Variants in FHDC1 observed in about 807,000 individuals in gnomAD.
FHDC1 encodes the protein FH2 domain-containing protein 1.
In FHDC1, 25 loss-of-function variants were observed where a neutral mutation model predicts 52.6. The ratio of observed to expected loss-of-function variants is 0.48; its 90% CI spans 0.35 to 0.66. The LOEUF is 0.66. Ranked by LOEUF, FHDC1 falls within the 30% of genes least tolerant of loss-of-function variation. The pLI, the probability that FHDC1 is intolerant of heterozygous loss-of-function variation, is 0.01. For missense variants in FHDC1, 1,459 were observed against 1,452.8 expected (o/e 1.00, Z -0.07); for synonymous variants, 616 against 581.5 (o/e 1.06, Z -0.85).
Position 152,976,994 on chromosome 4 carries a change from C to A in FHDC1, c.*271C>A. The A allele has an allele frequency of 3.3e-6, 1 of 306,278 alleles. No individual in the cohort carries two copies. Among genetic ancestry groups the A allele is most frequent in the African/African-American group, 2.2e-5 (1 of 44,624 alleles). 19.0% of individuals were successfully genotyped at this position (306,278 alleles called of 1,614,324 possible). A position where few individuals can be genotyped will look rare whatever the true frequency, so the allele number is the denominator to read the frequency against. ...ATGCACCCCACCCTCCCCCAAAGCC[C>A]GGATCCCGAGAAAGATTTAGTAGGA... On this transcript the variant is annotated 3_prime_UTR_variant, in exon 12 of 12. Transcript: ENST00000511601.
In FHDC1 at chr4:152,967,961, C is replaced by T. The variant is rs1467451502; in HGVS notation, c.1101-19C>T. ...GGCTTCCTTGTTCCAACTGCCCACT[C>T]TCCCCTTTCTTCTTTTAGATTATCT... On this transcript the variant is annotated intron_variant, in intron 9 of 11. Transcript: ENST00000511601. 3 of 1,592,758 alleles carry T rather than the reference C, an allele frequency of 1.9e-6. No homozygotes were observed. The highest frequency in any genetic ancestry group is 2.6e-6 in the Non-Finnish European group (3 of 1,163,640).
chr4:152,914,898 T>A, the FHDC1 span, among the ~76,000 whole-genome samples: 1 of 152,178 alleles, frequency 6.6e-6, no homozygotes, highest in Non-Finnish European at 1.5e-5. Flanking sequence ...AAACTTTTTT[T>A]TTTTTCAAAT....
At chr4:152,927,873 C>G in the FHDC1 span, 1 of 1,396,250 alleles carries the variant, frequency 7.2e-7, no homozygotes, top group Non-Finnish European at 1.0e-6. Context: ...CCCTTAGAAA[C>G]CAAGAACAAG....
intron 2 of FHDC1, among the ~76,000 whole-genome samples, chr4:152,946,634 T>C (rs1176579458): frequency 3.3e-5 from 5 of 152,142 alleles, no homozygotes; most frequent in Admixed American, 1.3e-4. Flanking sequence ...CAGAATTCCC[T>C]CCACAGCCTG....
At chr4:152,957,989 T>C (rs1740156350) in intron 4 of FHDC1, among the ~76,000 whole-genome samples, 1 of 152,132 alleles carries the variant, frequency 6.6e-6, no homozygotes, top group Admixed American at 6.6e-5. Context: ...AACTTTCTGT[T>C]CTCCTGAAGC....
chr4:152,928,132 C>T, the FHDC1 span: 1 of 920,494 alleles, frequency 1.1e-6, no homozygotes, highest in South Asian at 1.3e-5. Context: ...CCAGCGCAGA[C>T]AGTGAAGGCA....
chr4:152,972,499 G>C lies in FHDC1; in HGVS notation c.1341G>C (p.Gln447His). 1.2e-6 allele frequency: 2 copies of C among 1,612,132 alleles called. No homozygotes were observed. The highest frequency in any genetic ancestry group is 1.7e-5 in the Admixed American group (1 of 59,390). Residue 447 changes from glutamine (Q) to histidine (H), a missense_variant, in exon 11 of 12, where the codon CAG (glutamine) becomes CAC (histidine). By Grantham distance (24) the Gln-to-His change is conservative. Around this residue, in one of 3 missense-constraint regions of FHDC1, gnomAD observed 513 missense variants for 581.5 expected, o/e 0.88. Transcript: ENST00000511601. ...CCATGAAACTGGATGAATGCTTTCA[G>C]ATATTTAGAGATTTCTGTACCAAAT... ...KKTMKLDECF[Q>H]IFRDFCTKFN...
In FHDC1 at chr4:152,960,733, T is replaced by A. The variant is rs1386986220; in HGVS notation, c.750-11T>A. ...CATCAAATTCTACAGTTTTACTTTT[T>A]TATTTTTCAGCTATTCACTTCGGAT... On this transcript the variant is annotated splice_polypyrimidine_tract_variant and intron_variant, in intron 5 of 11. Transcript: ENST00000511601. 1 of 1,612,074 alleles carries A rather than the reference T, an allele frequency of 6.2e-7. No individual in the cohort carries two copies. Among genetic ancestry groups the A allele is most frequent in the Non-Finnish European group, 8.5e-7 (1 of 1,179,510 alleles).
In FHDC1 at chr4:152,954,330, C is replaced by T. The variant is rs539184890; in HGVS notation, c.663+11C>T. 5 of 1,603,002 alleles carry T rather than the reference C, an allele frequency of 3.1e-6. No homozygotes were observed. In the African/African-American group the frequency reaches 6.7e-5, roughly 21 times the overall value. ...CCAGAGTCAGAAGAGGTAAGAAATT[C>T]AGCGCATGAGTTGTAGATGTTAGGA... is the stretch of plus-strand genomic sequence containing the variant. On this transcript the variant is annotated intron_variant, in intron 4 of 11. Coordinates refer to ENST00000511601, the MANE Select transcript of FHDC1 (RefSeq NM_001371116.1).
intron 4 of FHDC1, among the ~76,000 whole-genome samples, chr4:152,956,901 G>A (rs943829079): frequency 1.5e-4 from 23 of 152,120 alleles, no homozygotes; most frequent in Non-Finnish European, 4.4e-5. Context: ...AGTCCCCAGA[G>A]CCGGCAGGAG....
chr4:152,936,762 G>A (rs935646827), intron 1 of FHDC1, among the ~76,000 whole-genome samples: 1 of 152,268 alleles, frequency 6.6e-6, no homozygotes, highest in African/African-American at 2.4e-5. Flanking sequence ...CTGGGCGGTT[G>A]ACTATTAGTC....
At chr4:152,925,760 A>G in the FHDC1 span, among the ~76,000 whole-genome samples, 49 of 149,516 alleles carry the variant, frequency 3.3e-4, no homozygotes, top group African/African-American at 1.2e-3. Context: ...TCTAATCCAT[A>G]CTCTTCCTTA....
intron 1 of FHDC1, among the ~76,000 whole-genome samples, chr4:152,936,969 C>T (rs1739401458): frequency 6.6e-6 from 1 of 152,226 alleles, no homozygotes; most frequent in Non-Finnish European, 1.5e-5. Context: ...CCAGGCGCTT[C>T]TCGCCCCGAC....
chr4:152,957,512 G>C (rs1740134527), intron 4 of FHDC1, among the ~76,000 whole-genome samples: 1 of 152,188 alleles, frequency 6.6e-6, no homozygotes, highest in African/African-American at 2.4e-5. Context: ...GCTGAGCCCA[G>C]TGTGGTTCTG....
At chr4:152,927,447 T>C in the FHDC1 span, 1,223 of 802,598 alleles carry the variant, frequency 1.5e-3, 8 homozygotes, top group African/African-American at 0.018. Flanking sequence ...TGTTTCGTTA[T>C]GGATGGAGGG....
chr4:152,925,615 T>G, the FHDC1 span, among the ~76,000 whole-genome samples: 1 of 152,134 alleles, frequency 6.6e-6, no homozygotes, highest in Non-Finnish European at 1.5e-5. Flanking sequence ...AGTTCTAAAC[T>G]GGATCTCCTC....
Position 152,975,492 on chromosome 4 carries a change from G to A in FHDC1, c.2201G>A (p.Ser734Asn). ...CCCATGGGCAGAGATGCCCTGGGGA[G>A]TCTCAGCCCAGCGCTGGAGGATGGC... ...LTPMGRDALG[S>N]LSPALEDGKA... The change falls in exon 12 of 12, where the codon AGT (serine) becomes AAT (asparagine). Residue 734 changes from serine (S) to asparagine (N), a missense_variant. Coordinates refer to ENST00000511601, the MANE Select transcript of FHDC1 (RefSeq NM_001371116.1). 1 of 1,613,420 alleles carries A rather than the reference G, an allele frequency of 6.2e-7. No homozygotes were observed. The highest frequency in any genetic ancestry group is 2.2e-5 in the East Asian group (1 of 44,880).
At chr4:152,927,222 G>A in the FHDC1 span, among the ~76,000 whole-genome samples, 1 of 152,206 alleles carries the variant, frequency 6.6e-6, no homozygotes, top group African/African-American at 2.4e-5. Flanking sequence ...TTCTCTAAAC[G>A]GGAGGCTCCC....
chr4:152,962,322 A>G, intron 6 of FHDC1, among the ~76,000 whole-genome samples: 1 of 152,202 alleles, frequency 6.6e-6, no homozygotes. Flanking sequence ...CAAGTTATTT[A>G]CATGTTCTCC....
Sources: gnomAD v4.1 joint callset for allele counts (sites outside exome capture counted in the v4.1 genomes callset) on GRCh38, gnomAD v4.1.1 for gene constraint, gnomAD v4.1.1 regional missense constraint, MANE v1.5 for transcripts, NCBI Gene and HGNC (gene_info 2026-07-23, HGNC 2026-07-21) for gene names.